The following ATG7 variants were observed in gnomAD, a reference collection of about 807,000 sequenced individuals.
ATG7 encodes the protein autophagy related 7.
A neutral mutation model predicts 82.4 loss-of-function variants in ATG7; 70 were observed. The observed-to-expected ratio is 0.85, with a 90% CI of 0.70 to 1.04. The LOEUF (loss-of-function observed/expected upper bound fraction) is 1.04. ATG7 is among the 50% of genes least tolerant of loss of function. The pLI, the probability that ATG7 is intolerant of heterozygous loss-of-function variation, is 0.00. For synonymous variants in ATG7, 287 were observed against 313.0 expected (o/e 0.92, Z 0.88); for missense variants, 792 against 864.3 (o/e 0.92, Z 1.05).
At chr3:11,543,154 TCTC>T (rs1177511790) in intron 20 of ATG7, among the ~76,000 whole-genome samples, 3 of 152,202 alleles carry the variant, frequency 2.0e-5, no homozygotes, top group Non-Finnish European at 4.4e-5. Flanking sequence ...CTCCTTTTAA[TCTC>T]CTCATCCCTG....
intron 11 of ATG7, among the ~76,000 whole-genome samples, chr3:11,339,816 G>A (rs73127225): frequency 0.013 from 1,968 of 152,328 alleles, 40 homozygotes; most frequent in African/African-American, 0.044. Context: ...ATCAAATCAC[G>A]TGGGTTCTGT....
chr3:11,503,325 A>G (rs1033560334), intron 20 of ATG7, among the ~76,000 whole-genome samples: 1 of 152,234 alleles, frequency 6.6e-6, no homozygotes, highest in Non-Finnish European at 1.5e-5. Context: ...AGACAATGTA[A>G]GGAGATAAAA....
At chr3:11,375,643 T>C (rs1054312374) in intron 18 of ATG7, among the ~76,000 whole-genome samples, 1 of 152,218 alleles carries the variant, frequency 6.6e-6, no homozygotes, top group African/African-American at 2.4e-5. Flanking sequence ...CACTGCAACC[T>C]CTGCCTTCCG....
Position 11,495,073 on chromosome 3 carries a change from G to A in ATG7, c.2080-59738G>A, listed in dbSNP as rs373377764. Among the ~76,000 whole-genome samples, 22 of 151,344 alleles carry A rather than the reference G, an allele frequency of 1.5e-4. No individual in the cohort carries two copies. The East Asian group carries it at 3.7e-3, about 25-fold the overall frequency. ...GGTGACAGAGCAAGAGCAAGGCTCC[G>A]TCTCAGAAAAAAAAAAGGCTTGAAC... On this transcript the variant is annotated intron_variant, in intron 20 of 20. Coordinates refer to ENST00000693202, the MANE Select transcript of ATG7 (RefSeq NM_001349232.2).
intron 19 of ATG7, among the ~76,000 whole-genome samples, chr3:11,401,289 G>C (rs1262697971): frequency 6.6e-6 from 1 of 152,148 alleles, no homozygotes; most frequent in Non-Finnish European, 1.5e-5. Flanking sequence ...ACTTTAGAAA[G>C]TTAAACTTTG....
chr3:11,424,658 ATTAT>A (rs1323528738), intron 19 of ATG7, among the ~76,000 whole-genome samples: 3 of 151,986 alleles, frequency 2.0e-5, no homozygotes, highest in Non-Finnish European at 2.9e-5. Flanking sequence ...ATATTGAATA[ATTAT>A]TAAGTAACAC....
At chr3:11,329,844 C>A (rs1200859013) in intron 9 of ATG7, among the ~76,000 whole-genome samples, 1 of 152,128 alleles carries the variant, frequency 6.6e-6, no homozygotes, top group Non-Finnish European at 1.5e-5. Flanking sequence ...CCGATTTCAC[C>A]AGTTTTTTCC....
chr3:11,375,626 C>T (rs1398512667), intron 18 of ATG7, among the ~76,000 whole-genome samples: 2 of 152,222 alleles, frequency 1.3e-5, no homozygotes, highest in African/African-American at 2.4e-5. Flanking sequence ...GTGGCACGAT[C>T]GCAGCTCACT....
chr3:11,388,956 C>T (rs1559519288), intron 19 of ATG7, among the ~76,000 whole-genome samples: 1 of 151,852 alleles, frequency 6.6e-6, no homozygotes, highest in Non-Finnish European at 1.5e-5. Flanking sequence ...ATTTTAAGTA[C>T]CTAAATATAG....
chr3:11,358,774 A>G (rs1430786457), intron 15 of ATG7, among the ~76,000 whole-genome samples, 162 bp downstream of exon 15: 1 of 152,214 alleles, frequency 6.6e-6, no homozygotes, highest in African/African-American at 2.4e-5. Context: ...TGCCTCGCAC[A>G]CCATCACCCA....
At chr3:11,466,560 C>G (rs779136559) in intron 20 of ATG7, among the ~76,000 whole-genome samples, 3 of 152,320 alleles carry the variant, frequency 2.0e-5, no homozygotes, top group Admixed American at 6.5e-5. Context: ...GCACTGTAGT[C>G]ACAGGCACGA....
intron 19 of ATG7, among the ~76,000 whole-genome samples, chr3:11,404,228 C>G (rs974493749): frequency 2.7e-5 from 4 of 150,222 alleles, no homozygotes; most frequent in Non-Finnish European, 4.4e-5. Flanking sequence ...CTCCATCTCC[C>G]GGGTTCAAGT....
At chr3:11,462,792 G>A (rs1433049899) in intron 20 of ATG7, among the ~76,000 whole-genome samples, 1 of 152,066 alleles carries the variant, frequency 6.6e-6, no homozygotes, top group Non-Finnish European at 1.5e-5. Context: ...TTCAAACATC[G>A]TAACATACAT....
intron 20 of ATG7, among the ~76,000 whole-genome samples, chr3:11,462,243 C>T (rs971551273): frequency 3.3e-5 from 5 of 151,976 alleles, no homozygotes; most frequent in Non-Finnish European, 7.4e-5. Context: ...AGGGCCCTCT[C>T]GTCACCATTG....
intron 18 of ATG7, among the ~76,000 whole-genome samples, chr3:11,377,431 C>G (rs1242253039): frequency 6.6e-6 from 1 of 152,086 alleles, no homozygotes; most frequent in Non-Finnish European, 1.5e-5. Flanking sequence ...TCTTCTATTC[C>G]TCGCCACCTG....
chr3:11,359,732 C>A (rs562060465), intron 15 of ATG7, among the ~76,000 whole-genome samples: 10 of 148,734 alleles, frequency 6.7e-5, no homozygotes, highest in Middle Eastern at 6.8e-3. Flanking sequence ...CAAAAAAAAA[C>A]CAACTATGCG....
intron 7 of ATG7, among the ~76,000 whole-genome samples, chr3:11,313,085 T>C (rs1312633152): frequency 6.6e-6 from 1 of 152,230 alleles, no homozygotes; most frequent in South Asian, 2.1e-4. Flanking sequence ...ATGTTTGTCA[T>C]CATATTATTA....
In ATG7 at chr3:11,311,318, G is replaced by A. The variant is rs543220871; in HGVS notation, c.412-1986G>A. 5.9e-5 allele frequency among the ~76,000 whole-genome samples: 9 copies of A among 152,084 alleles called. No homozygotes were observed. In the South Asian group the frequency reaches 1.0e-3, roughly 18 times the overall value. On this transcript the variant is annotated intron_variant, in intron 7 of 20. Coordinates refer to ENST00000693202, the MANE Select transcript of ATG7 (RefSeq NM_001349232.2). ...GATAAAGTTTCTTAGAATTCGTGAG[G>A]TCCGGCCGGGTGCAGTGGTTCATGC...
Position 11,428,572 on chromosome 3 carries a change from A to G in ATG7, c.2079+1646A>G, listed in dbSNP as rs190118437. On this transcript the variant is annotated intron_variant, in intron 20 of 20. Coordinates refer to ENST00000693202, the MANE Select transcript of ATG7 (RefSeq NM_001349232.2). ...GTCTATTTCAAGTTTCAGGAGATGA[A>G]TGGCATCTCTGCTGCTCTTTGAGAG... 1.6e-3 allele frequency among the ~76,000 whole-genome samples: 246 copies of G among 152,334 alleles called. 3 individuals carry two copies. Among genetic ancestry groups the G allele is most frequent in the Non-Finnish European group, 3.1e-3 (208 of 68,028 alleles).
Sources: gnomAD v4.1 joint callset for allele counts (sites outside exome capture counted in the v4.1 genomes callset) on GRCh38, gnomAD v4.1.1 for gene constraint, MANE v1.5 for transcripts, NCBI Gene and HGNC (gene_info 2026-07-23, HGNC 2026-07-21) for gene names.